The following AKAP19 variants were observed in gnomAD, a reference collection of about 807,000 sequenced individuals.
AKAP19 encodes A-kinase anchoring protein 19, also known as small A-kinase anchoring protein.
At chr2:190,053,567 G>A in the AKAP19 span, among the ~76,000 whole-genome samples, 4 of 152,144 alleles carry the variant, frequency 2.6e-5, no homozygotes, top group East Asian at 1.9e-4. Context: ...GCTTTGATAC[G>A]TTTTGCAGTG....
At chr2:189,994,353 G>C in the AKAP19 span, among the ~76,000 whole-genome samples, 2 of 151,630 alleles carry the variant, frequency 1.3e-5, no homozygotes, top group East Asian at 1.9e-4. Flanking sequence ...GTTTGGGTTT[G>C]TTCTTGTTTC....
At chr2:190,200,102 A>G in the AKAP19 span, 1 of 1,614,088 alleles carries the variant, frequency 6.2e-7, no homozygotes, top group South Asian at 1.1e-5. Flanking sequence ...GCATGCAATA[A>G]CATCAAGTAC....
the AKAP19 span, among the ~76,000 whole-genome samples, chr2:190,157,633 T>C: frequency 6.6e-6 from 1 of 152,232 alleles, no homozygotes; most frequent in Non-Finnish European, 1.5e-5. Context: ...TTAACTATTT[T>C]TTTAAATGAG....
chr2:190,062,381 G>T, the AKAP19 span: 6 of 1,613,424 alleles, frequency 3.7e-6, no homozygotes, highest in Non-Finnish European at 5.1e-6. Flanking sequence ...CATCTTTGCT[G>T]ATGTTAGGAG....
At chr2:190,072,239 A>G in the AKAP19 span, among the ~76,000 whole-genome samples, 1 of 152,130 alleles carries the variant, frequency 6.6e-6, no homozygotes, top group African/African-American at 2.4e-5. Context: ...ATAGCAAAAT[A>G]GACACTGGGG....
the AKAP19 span, among the ~76,000 whole-genome samples, chr2:189,979,293 A>T: frequency 6.6e-6 from 1 of 152,152 alleles, no homozygotes; most frequent in African/African-American, 2.4e-5. Context: ...CAACCAACTG[A>T]TCTTAAACAA....
chr2:190,030,372 C>G, the AKAP19 span, among the ~76,000 whole-genome samples: 32 of 152,168 alleles, frequency 2.1e-4, no homozygotes, highest in Non-Finnish European at 1.2e-4. Flanking sequence ...CACTACTTTC[C>G]AGGCTCTTCT....
chr2:190,092,508 C>G, the AKAP19 span, among the ~76,000 whole-genome samples: 1 of 152,100 alleles, frequency 6.6e-6, no homozygotes, highest in African/African-American at 2.4e-5. Context: ...TCAAATGTTT[C>G]TTTCTCAGAA....
chr2:190,182,853 T>C, the AKAP19 span, among the ~76,000 whole-genome samples: 1 of 152,282 alleles, frequency 6.6e-6, no homozygotes, highest in African/African-American at 2.4e-5. Context: ...TTTTAAATTA[T>C]GCAGTTAAGC....
the AKAP19 span, among the ~76,000 whole-genome samples, chr2:190,117,572 T>C: frequency 2.6e-5 from 4 of 152,244 alleles, no homozygotes; most frequent in Admixed American, 2.6e-4. Flanking sequence ...AATTTGTAGC[T>C]TCTTTACTTT....
chr2:190,091,570 C>T, the AKAP19 span, among the ~76,000 whole-genome samples: 1 of 19,962 alleles, frequency 5.0e-5, no homozygotes, highest in East Asian at 1.0e-3. Context: ...ACAAGTAGCC[C>T]AAATAGAACC....
the AKAP19 span, among the ~76,000 whole-genome samples, chr2:190,191,322 T>G: frequency 1.3e-5 from 2 of 152,096 alleles, no homozygotes; most frequent in Non-Finnish European, 2.9e-5. Flanking sequence ...TTCTTGTATT[T>G]TCAGTAGAGA....
At chr2:189,887,066 G>A in the AKAP19 span, among the ~76,000 whole-genome samples, 4 of 152,040 alleles carry the variant, frequency 2.6e-5, no homozygotes, top group East Asian at 1.9e-4. Context: ...AGGTATACAC[G>A]TGTCATGGTG....
chr2:190,046,067 G>A, the AKAP19 span, among the ~76,000 whole-genome samples: 10 of 152,194 alleles, frequency 6.6e-5, 1 homozygote, highest in African/African-American at 7.2e-5. Flanking sequence ...TGTTGTTCCC[G>A]GGTGGCCGAT....
the AKAP19 span, among the ~76,000 whole-genome samples, chr2:189,916,825 A>G: frequency 6.6e-6 from 1 of 152,138 alleles, no homozygotes. Flanking sequence ...ATTCCTTTGT[A>G]TGGATGTACC....
At chr2:190,147,739 G>GT in the AKAP19 span, among the ~76,000 whole-genome samples, 89,077 of 148,768 alleles carry the variant, frequency 0.6, 28,864 homozygotes, top group East Asian at 0.87. Flanking sequence ...TATTTCTAAG[G>GT]TTTTTTTTTT....
At chr2:190,080,358 G>C in the AKAP19 span, among the ~76,000 whole-genome samples, 4 of 152,202 alleles carry the variant, frequency 2.6e-5, no homozygotes, top group African/African-American at 9.7e-5. Context: ...AAACAGATAT[G>C]TTAACATAGA....
the AKAP19 span, among the ~76,000 whole-genome samples, chr2:190,109,139 C>T: frequency 6.6e-6 from 1 of 152,132 alleles, no homozygotes; most frequent in Admixed American, 6.5e-5. Flanking sequence ...AAAAGATAGG[C>T]ATGTTGTAAG....
the AKAP19 span, among the ~76,000 whole-genome samples, chr2:190,093,702 C>T: frequency 4.6e-5 from 7 of 152,234 alleles, no homozygotes; most frequent in South Asian, 4.1e-4. Flanking sequence ...GTGATCTCTT[C>T]GCTTTCATTC....
Sources: allele counts gnomAD v4.1 joint callset (sites outside exome capture counted in the v4.1 genomes callset), GRCh38; gene constraint gnomAD v4.1.1; transcripts MANE v1.5; gene names NCBI Gene and HGNC (gene_info 2026-07-23, HGNC 2026-07-21).